RASA2: variants seen among roughly 807,000 people sequenced by gnomAD.
RASA2 encodes the protein RAS p21 protein activator 2.
In RASA2, 155 loss-of-function variants were observed where a neutral mutation model predicts 118.2. The observed-to-expected ratio is 1.31, with a 90% CI of 1.15 to 1.50. The LOEUF (loss-of-function observed/expected upper bound fraction) is 1.50, where lower values mean the gene tolerates loss of function less well. Ranked by LOEUF, RASA2 falls within the 40% of genes most tolerant of loss-of-function variation. The pLI is 0.00. For synonymous variants in RASA2, 353 were observed against 349.1 expected (o/e 1.01, Z -0.12); for missense variants, 1,016 against 1,009.6 (o/e 1.01, Z -0.09).
At chr3:141,493,983 C>T (rs2081668464) in intron 1 of RASA2, among the ~76,000 whole-genome samples, 1 of 152,154 alleles carries the variant, frequency 6.6e-6, no homozygotes, top group Non-Finnish European at 1.5e-5. Context: ...GATTTTTTCA[C>T]ATTCACATAA....
intron 9 of RASA2, among the ~76,000 whole-genome samples, chr3:141,561,685 C>T (rs2082731907): frequency 6.6e-6 from 1 of 152,154 alleles, no homozygotes; most frequent in Non-Finnish European, 1.5e-5. Flanking sequence ...TTTATTTACC[C>T]TCAGGATTTC....
chr3:141,610,521 T>C (rs1232247249), intron 23 of RASA2, among the ~76,000 whole-genome samples: 1 of 144,588 alleles, frequency 6.9e-6, no homozygotes, highest in East Asian at 2.0e-4. Context: ...GACAGGTTCT[T>C]GCCCTGTCAC....
At chr3:141,572,057 TATATAC>T (rs1192311781) in intron 11 of RASA2, among the ~76,000 whole-genome samples, 59 of 126,356 alleles carry the variant, frequency 4.7e-4, no homozygotes, top group African/African-American at 2.2e-3. Flanking sequence ...TATATATATA[TATATAC>T]ACACACACAC....
chr3:141,556,246 C>A (rs1178200379), intron 7 of RASA2, among the ~76,000 whole-genome samples: 1 of 152,144 alleles, frequency 6.6e-6, no homozygotes. Context: ...TGCAGGGTAC[C>A]CTTTGACAGT....
intron 3 of RASA2, among the ~76,000 whole-genome samples, chr3:141,524,223 G>A (rs1377573759): frequency 6.6e-6 from 1 of 152,138 alleles, no homozygotes; most frequent in Non-Finnish European, 1.5e-5. Flanking sequence ...ATGTCTGATG[G>A]TTGGTGCTGA....
chr3:141,563,230 T>C (rs1239304526), intron 9 of RASA2, among the ~76,000 whole-genome samples: 1 of 152,222 alleles, frequency 6.6e-6, no homozygotes, highest in African/African-American at 2.4e-5. Flanking sequence ...AAAATTTCTC[T>C]TTATTCCCTG....
Position 141,608,570 on chromosome 3 carries a change from C to T in RASA2, c.2098C>T (p.Leu700Phe). 6.2e-7 allele frequency: 1 copy of T among 1,613,960 alleles called. No homozygotes were observed. The highest frequency in any genetic ancestry group is 8.5e-7 in the Non-Finnish European group (1 of 1,179,888). The change falls in exon 21 of 24, where the codon CTC (leucine) becomes TTC (phenylalanine). Residue 700 changes from leucine (L) to phenylalanine (F), a missense_variant. Physicochemically the swap from Leu to Phe is conservative, Grantham distance 22 (BLOSUM62 0). Around this residue, in one of 2 missense-constraint regions of RASA2, gnomAD observed 896 missense variants for 836.4 expected, o/e 1.07. Transcript: ENST00000286364. ...CVEANEWIDVLCRVSRCNQNR... is the reference protein window; with the variant it reads ...CVEANEWIDVFCRVSRCNQNR... ...AGAAGCTAATGAATGGATAGACGTA[C>T]TCTGCAGGGTGAGCCGATGCAATCA...
chr3:141,603,776 A>G (rs897970454), intron 19 of RASA2, among the ~76,000 whole-genome samples: 21 of 152,072 alleles, frequency 1.4e-4, no homozygotes, highest in African/African-American at 4.8e-4. Context: ...TCTGACAACC[A>G]CTAATATACT....
chr3:141,609,617 T>C (rs567890677), intron 22 of RASA2, 94 bp downstream of exon 22: 5 of 993,626 alleles, frequency 5.0e-6, no homozygotes, highest in African/African-American at 1.7e-5. Context: ...AAAATACTCA[T>C]AGATTTACCA....
chr3:141,581,500 G>A (rs1379187936), intron 17 of RASA2, among the ~76,000 whole-genome samples: 2 of 152,114 alleles, frequency 1.3e-5, no homozygotes, highest in Admixed American at 6.5e-5. Context: ...TGGCTTGTGC[G>A]TTTCAGGATA....
chr3:141,487,222 C>T lies in RASA2; in HGVS notation c.133+6C>T, dbSNP rs745886458. The T allele has an allele frequency of 1.4e-6, 2 of 1,404,368 alleles. No homozygotes were observed. The highest frequency in any genetic ancestry group is 2.4e-5 in the Admixed American group (1 of 41,362). 87.0% of individuals were successfully genotyped at this position (1,404,368 alleles called of 1,614,324 possible). A position where few individuals can be genotyped will look rare whatever the true frequency, so the allele number is the denominator to read the frequency against. ...GAGCCTGCGGGGCAAGATCTGTAAG[C>T]GGGGGCTGGGCTGAGGGGACGCCCT... On this transcript the variant is annotated splice_donor_region_variant and intron_variant, in intron 1 of 23. Coordinates refer to ENST00000286364, the MANE Select transcript of RASA2 (RefSeq NM_006506.5).
intron 19 of RASA2, among the ~76,000 whole-genome samples, chr3:141,587,267 ACT>A (rs1266409920): frequency 6.6e-6 from 1 of 152,076 alleles, no homozygotes; most frequent in East Asian, 1.9e-4. Context: ...TTGTGAGAAG[ACT>A]CTGTTGCCTT....
intron 15 of RASA2, among the ~76,000 whole-genome samples, chr3:141,580,119 A>ATATATAT (rs1553797731): frequency 9.5e-6 from 1 of 105,662 alleles, no homozygotes; most frequent in Non-Finnish European, 1.9e-5. Flanking sequence ...TATATATATG[A>ATATATAT]CTTTTAAAAG....
At chr3:141,524,491 G>T (rs1287194227) in intron 3 of RASA2, among the ~76,000 whole-genome samples, 3 of 152,146 alleles carry the variant, frequency 2.0e-5, no homozygotes, top group Non-Finnish European at 4.4e-5. Flanking sequence ...TGCTGCCATT[G>T]TCTCTAAATT....
chr3:141,573,399 C>T (rs949407223), intron 13 of RASA2, among the ~76,000 whole-genome samples, 178 bp downstream of exon 13: 1 of 152,168 alleles, frequency 6.6e-6, no homozygotes, highest in African/African-American at 2.4e-5. Flanking sequence ...AATGTTATTT[C>T]CTCAGTGGTT....
intron 7 of RASA2, among the ~76,000 whole-genome samples, chr3:141,557,342 A>G (rs2082665210): frequency 6.6e-6 from 1 of 152,202 alleles, no homozygotes; most frequent in Non-Finnish European, 1.5e-5. Context: ...GGTCAGATGA[A>G]CTCTGCTCCA....
chr3:141,562,158 T>A (rs545845145), intron 9 of RASA2, among the ~76,000 whole-genome samples: 99 of 151,678 alleles, frequency 6.5e-4, no homozygotes, highest in Admixed American at 1.2e-3. Flanking sequence ...TTAACTATGT[T>A]GGCCAGGCTG....
chr3:141,506,915 CAAAAAAAA>C (rs59123792), intron 1 of RASA2, among the ~76,000 whole-genome samples: 3 of 89,764 alleles, frequency 3.3e-5, no homozygotes, highest in Non-Finnish European at 6.6e-5. Flanking sequence ...GACCCTGTCT[CAAAAAAAA>C]AAAAAAAAAG....
At chr3:141,546,905 C>A (rs1453968246) in intron 5 of RASA2, among the ~76,000 whole-genome samples, 5 of 152,024 alleles carry the variant, frequency 3.3e-5, no homozygotes, top group Non-Finnish European at 5.9e-5. Context: ...TAGTTTCATT[C>A]TTCTGCATAT....
Sources: gnomAD v4.1 joint callset for allele counts (sites outside exome capture counted in the v4.1 genomes callset) on GRCh38, gnomAD v4.1.1 for gene constraint, gnomAD v4.1.1 regional missense constraint, MANE v1.5 for transcripts, NCBI Gene and HGNC (gene_info 2026-07-23, HGNC 2026-07-21) for gene names.